Variants in PTPRN2 observed in about 807,000 individuals in gnomAD.
The protein encoded by PTPRN2 is receptor-type tyrosine-protein phosphatase N2.
PTPRN2 carries 74 observed loss-of-function variants against 118.8 expected under a neutral mutation model. The ratio of observed to expected loss-of-function variants is 0.62; its 90% CI spans 0.52 to 0.76. The LOEUF (loss-of-function observed/expected upper bound fraction) is 0.76. Ranked by LOEUF, PTPRN2 falls within the 30% of genes least tolerant of loss-of-function variation. PTPRN2 has a pLI of 0.00. For missense variants in PTPRN2, 1,481 were observed against 1,394.4 expected, an observed-to-expected ratio of 1.06 and a Z score of -0.99; for synonymous variants, 641 against 608.0, an observed-to-expected ratio of 1.05 and a Z score of -0.80.
At chr7:158,297,022 T>C (rs1291095582) in intron 3 of PTPRN2, among the ~76,000 whole-genome samples, 1 of 152,192 alleles carries the variant, frequency 6.6e-6, no homozygotes, top group Non-Finnish European at 1.5e-5. Context: ...ACATTTGGAA[T>C]GTCCATGGAT....
intron 11 of PTPRN2, among the ~76,000 whole-genome samples, chr7:158,042,678 C>T (rs889886509): frequency 1.3e-5 from 2 of 152,210 alleles, no homozygotes; most frequent in Non-Finnish European, 2.9e-5. Context: ...CCTAAGGGAC[C>T]TGGCTGTCCT....
At chr7:158,441,937 A>AGTG (rs750998739) in intron 2 of PTPRN2, among the ~76,000 whole-genome samples, 1 of 20,994 alleles carries the variant, frequency 4.8e-5, no homozygotes. Flanking sequence ...TGGTCATGGC[A>AGTG]GTGGTGGTGG....
At chr7:158,005,841 G>A (rs1043971178) in intron 11 of PTPRN2, among the ~76,000 whole-genome samples, 12 of 152,224 alleles carry the variant, frequency 7.9e-5, no homozygotes, top group African/African-American at 2.7e-4. Context: ...AGTACACTGC[G>A]TCTAAAATGC....
At chr7:158,181,876 T>C (rs1327982127) in intron 5 of PTPRN2, among the ~76,000 whole-genome samples, 1 of 152,220 alleles carries the variant, frequency 6.6e-6, no homozygotes, top group Non-Finnish European at 1.5e-5. Flanking sequence ...CAATTTTTTG[T>C]TTCATCTTTT....
chr7:158,324,149 G>A (rs182605314), intron 2 of PTPRN2, among the ~76,000 whole-genome samples: 147 of 152,134 alleles, frequency 9.7e-4, no homozygotes, highest in Non-Finnish European at 1.1e-3. Flanking sequence ...ACACGCGTAC[G>A]CTCACACACA....
chr7:157,980,305 T>C (rs1434771308), intron 11 of PTPRN2, among the ~76,000 whole-genome samples: 2 of 152,234 alleles, frequency 1.3e-5, no homozygotes, highest in Non-Finnish European at 2.9e-5. Context: ...TAAACCACTG[T>C]CTCTTTTTAT....
At chr7:158,204,532 A>T (rs985032330) in intron 4 of PTPRN2, among the ~76,000 whole-genome samples, 2 of 152,156 alleles carry the variant, frequency 1.3e-5, no homozygotes, top group Non-Finnish European at 2.9e-5. Flanking sequence ...GGTCATTTTC[A>T]TGTTTTTTTT....
intron 3 of PTPRN2, among the ~76,000 whole-genome samples, chr7:158,262,973 G>GCACACACACATTCA (rs1797605127): frequency 9.1e-6 from 1 of 109,950 alleles, no homozygotes; most frequent in Non-Finnish European, 1.8e-5. Context: ...TTCACACACT[G>GCACACACACATTCA]CACACATACA....
At chr7:157,715,339 A>G (rs1471891132) in intron 12 of PTPRN2, among the ~76,000 whole-genome samples, 1 of 152,182 alleles carries the variant, frequency 6.6e-6, no homozygotes, top group African/African-American at 2.4e-5. Context: ...GCACAGATGC[A>G]AGGACACTGG....
chr7:157,665,746 A>T (rs561470393), intron 13 of PTPRN2, among the ~76,000 whole-genome samples: 5 of 152,366 alleles, frequency 3.3e-5, no homozygotes, highest in Non-Finnish European at 7.3e-5. Flanking sequence ...AATGTCCATC[A>T]ATGATAGACT....
chr7:158,125,874 G>A (rs1176017544), intron 9 of PTPRN2, among the ~76,000 whole-genome samples: 1 of 152,170 alleles, frequency 6.6e-6, no homozygotes, highest in Non-Finnish European at 1.5e-5. Flanking sequence ...CATCAGTCCG[G>A]ACCTCGGCTG....
At chr7:158,478,908 A>G (rs942207275) in intron 2 of PTPRN2, among the ~76,000 whole-genome samples, 2 of 152,174 alleles carry the variant, frequency 1.3e-5, no homozygotes, top group Non-Finnish European at 2.9e-5. Context: ...TTACAGAAGC[A>G]GAGGTGAAAG....
intron 2 of PTPRN2, among the ~76,000 whole-genome samples, chr7:158,444,796 G>T (rs1057303615): frequency 2.0e-5 from 3 of 152,174 alleles, no homozygotes; most frequent in African/African-American, 7.2e-5. Context: ...CAGAAGCCAG[G>T]TCCTCTCCTA....
intron 1 of PTPRN2, among the ~76,000 whole-genome samples, chr7:158,530,771 C>T (rs1825161498): frequency 2.0e-5 from 3 of 152,180 alleles, no homozygotes; most frequent in Non-Finnish European, 4.4e-5. Context: ...TGCACACTCC[C>T]AAGATCTGTT....
intron 2 of PTPRN2, among the ~76,000 whole-genome samples, chr7:158,317,764 C>G (rs772020548): frequency 6.6e-6 from 1 of 152,152 alleles, no homozygotes; most frequent in African/African-American, 2.4e-5. Context: ...TAGGTTTCGC[C>G]GTGCAGCTTG....
intron 3 of PTPRN2, among the ~76,000 whole-genome samples, chr7:158,269,905 TAGAGACAGAGAAACAG>T (rs373200668): frequency 0.15 from 21,246 of 145,338 alleles, 1,705 homozygotes; most frequent in East Asian, 0.25. Context: ...GACAGAGACA[TAGAGACAGAGAAACAG>T]AGAGACAGAG....
chr7:157,561,804 C>A (rs1411453793), intron 21 of PTPRN2, among the ~76,000 whole-genome samples: 1 of 152,248 alleles, frequency 6.6e-6, no homozygotes, highest in East Asian at 1.9e-4. Context: ...CCTTACCTGT[C>A]TCTCGGCAGA....
rs1802989492 is a variant in PTPRN2 at position 157,619,106 on chromosome 7, C to G, written c.2344+2256G>C. On this transcript the variant is annotated intron_variant, in intron 15 of 22. Transcript: ENST00000389418. This position sits in a 1 kb window ranked among gnomAD's most constrained non-coding sequence, Gnocchi z 5.3. The stretch of plus-strand genomic sequence containing the variant: ...ATCTGAGCACGGACCACTTCACCAT[C>G]ACTAGGTCCCTCGCCCCCAACCCCC... 6.6e-6 allele frequency among the ~76,000 whole-genome samples: 1 copy of G among 152,100 alleles called. No homozygotes were observed. The highest frequency in any genetic ancestry group is 2.4e-5 in the African/African-American group (1 of 41,388).
At chr7:158,216,759 T>A (rs1337342182) in intron 3 of PTPRN2, among the ~76,000 whole-genome samples, 1 of 152,146 alleles carries the variant, frequency 6.6e-6, no homozygotes, top group Non-Finnish European at 1.5e-5. Context: ...CAGGATCTAA[T>A]GAACATTTAT....
Sources: allele counts gnomAD v4.1 joint callset (sites outside exome capture counted in the v4.1 genomes callset), GRCh38; gene constraint gnomAD v4.1.1; non-coding constraint Gnocchi (gnomAD v3.1); transcripts MANE v1.5; gene names NCBI Gene and HGNC (gene_info 2026-07-23, HGNC 2026-07-21).